Variants in SHISA9 observed in about 807,000 individuals in gnomAD.
The protein encoded by SHISA9 is protein shisa-9.
SHISA9 carries 13 observed loss-of-function variants against 38.0 expected under a neutral mutation model. That is an observed-to-expected ratio of 0.34 (90% CI 0.22 to 0.54). SHISA9 has a LOEUF of 0.54. SHISA9 is among the 20% of genes least tolerant of loss of function. The pLI is 0.91. For missense variants in SHISA9, 538 were observed against 575.8 expected, an observed-to-expected ratio of 0.93 and a Z score of 0.67; for synonymous variants, 275 against 242.0, an observed-to-expected ratio of 1.14 and a Z score of -1.27.
chr16:13,490,621 C>G, the SHISA9 span, among the ~76,000 whole-genome samples: 4 of 152,186 alleles, frequency 2.6e-5, no homozygotes, highest in African/African-American at 4.8e-5. Context: ...TAAACTGAGT[C>G]TGAGTCTTTC....
intron 2 of SHISA9, among the ~76,000 whole-genome samples, chr16:12,968,274 C>T (rs1396449424): frequency 6.8e-6 from 1 of 146,100 alleles, no homozygotes; most frequent in Admixed American, 6.8e-5. Context: ...ATCACAGTCT[C>T]AAGGCTGGGA....
chr16:13,437,533 A>T, the SHISA9 span, among the ~76,000 whole-genome samples: 1 of 152,174 alleles, frequency 6.6e-6, no homozygotes. Context: ...AGAAGCCCGG[A>T]TGAGACCCAG....
Position 13,215,989 on chromosome 16 carries a change from C to G in SHISA9, c.895+2689C>G, listed in dbSNP as rs113631945. 1.4e-3 allele frequency among the ~76,000 whole-genome samples: 212 copies of G among 152,122 alleles called. 1 individual carries two copies. The highest frequency in any genetic ancestry group is 3.4e-3 in the Middle Eastern group (1 of 294). On this transcript the variant is annotated intron_variant, in intron 4 of 4. Coordinates refer to ENST00000558583, the MANE Select transcript of SHISA9 (RefSeq NM_001145204.3). The stretch of plus-strand genomic sequence containing the variant: ...ATCACCTGAGGTCAGGAGTTTGAGA[C>G]CAGCCTGACCAACATGGTGAAACCC...
At chr16:13,373,248 A>G in the SHISA9 span, among the ~76,000 whole-genome samples, 27 of 152,356 alleles carry the variant, frequency 1.8e-4, no homozygotes, top group African/African-American at 6.0e-4. Context: ...GTAATACAGC[A>G]TTAGCTGATT....
chr16:13,158,035 T>G (rs1303781239), intron 2 of SHISA9, among the ~76,000 whole-genome samples: 1 of 152,110 alleles, frequency 6.6e-6, no homozygotes, highest in Non-Finnish European at 1.5e-5. Context: ...AATGATTGGT[T>G]AAGGGTGAGT....
the SHISA9 span, among the ~76,000 whole-genome samples, chr16:13,303,161 G>A: frequency 9.9e-5 from 15 of 152,082 alleles, no homozygotes; most frequent in Non-Finnish European, 1.9e-4. Flanking sequence ...GTGTAAAAAG[G>A]GAATACAAGG....
chr16:13,165,267 T>C (rs1453704899), intron 2 of SHISA9, among the ~76,000 whole-genome samples: 1 of 152,206 alleles, frequency 6.6e-6, no homozygotes, highest in Middle Eastern at 3.2e-3. Context: ...GCTCTTTTCA[T>C]ATTTTGCTGT....
At chr16:13,099,527 A>T (rs779904441) in intron 2 of SHISA9, among the ~76,000 whole-genome samples, 2 of 151,862 alleles carry the variant, frequency 1.3e-5, no homozygotes, top group Non-Finnish European at 2.9e-5. Context: ...TTCAGCCTTG[A>T]CTTGATGGGG....
At chr16:13,530,559 G>T in the SHISA9 span, among the ~76,000 whole-genome samples, 5 of 152,096 alleles carry the variant, frequency 3.3e-5, no homozygotes, top group African/African-American at 1.2e-4. Flanking sequence ...ATGACAATAA[G>T]TATGATGGCA....
At chr16:12,928,470 T>C (rs1271695223) in intron 2 of SHISA9, among the ~76,000 whole-genome samples, 1 of 152,208 alleles carries the variant, frequency 6.6e-6, no homozygotes, top group African/African-American at 2.4e-5. Context: ...TGGTTAATAC[T>C]GTTTTAAAAA....
At chr16:13,070,481 A>G (rs2073500631) in intron 2 of SHISA9, among the ~76,000 whole-genome samples, 2 of 152,028 alleles carry the variant, frequency 1.3e-5, no homozygotes, top group Admixed American at 6.6e-5. Context: ...TGGGGGAGGG[A>G]CATTCTCCGG....
chr16:12,959,367 C>G (rs769409007), intron 2 of SHISA9, among the ~76,000 whole-genome samples: 3 of 152,156 alleles, frequency 2.0e-5, no homozygotes, highest in Admixed American at 6.5e-5. Flanking sequence ...ACTGAGAAAA[C>G]ATTTGCTAGG....
chr16:12,913,584 C>T (rs978305584), intron 1 of SHISA9, among the ~76,000 whole-genome samples: 1 of 152,210 alleles, frequency 6.6e-6, no homozygotes, highest in African/African-American at 2.4e-5. Flanking sequence ...ATCATCACTA[C>T]TTACTCCAAG....
the SHISA9 span, among the ~76,000 whole-genome samples, chr16:13,340,690 C>T: frequency 1.2e-3 from 176 of 152,326 alleles, no homozygotes; most frequent in African/African-American, 4.0e-3. Context: ...CCCTATTGCT[C>T]TTATCCAGCC....
chr16:13,033,360 C>T (rs1173721759), intron 2 of SHISA9, among the ~76,000 whole-genome samples: 1 of 152,280 alleles, frequency 6.6e-6, no homozygotes, highest in Middle Eastern at 3.4e-3. Context: ...GCAAAACCAA[C>T]ACACTTCCAC....
the SHISA9 span, among the ~76,000 whole-genome samples, chr16:13,248,479 C>A: frequency 6.6e-6 from 1 of 152,106 alleles, no homozygotes; most frequent in African/African-American, 2.4e-5. Context: ...GTCAGATAAC[C>A]TTGGATTTGA....
At chr16:13,287,517 A>G in the SHISA9 span, among the ~76,000 whole-genome samples, 4 of 152,236 alleles carry the variant, frequency 2.6e-5, no homozygotes, top group African/African-American at 9.6e-5. Context: ...TGAACCATTC[A>G]GATGCATTTG....
intron 2 of SHISA9, among the ~76,000 whole-genome samples, chr16:13,131,145 T>C (rs1289066554): frequency 6.6e-6 from 1 of 152,140 alleles, no homozygotes; most frequent in African/African-American, 2.4e-5. Flanking sequence ...GTCATTCTAT[T>C]ATAAAGATAC....
chr16:12,912,844 T>C (rs1350709455), intron 1 of SHISA9, among the ~76,000 whole-genome samples: 1 of 152,196 alleles, frequency 6.6e-6, no homozygotes, highest in Non-Finnish European at 1.5e-5. Flanking sequence ...GTTGGCCCTC[T>C]TCCAGTTCCA....
Sources: allele counts gnomAD v4.1 joint callset (sites outside exome capture counted in the v4.1 genomes callset), GRCh38; gene constraint gnomAD v4.1.1; transcripts MANE v1.5; gene names NCBI Gene and HGNC (gene_info 2026-07-23, HGNC 2026-07-21).